The following SUMF1 variants were observed in gnomAD, a reference collection of about 807,000 sequenced individuals.
SUMF1 encodes the protein formylglycine-generating enzyme.
SUMF1 carries 48 observed loss-of-function variants against 47.6 expected under a neutral mutation model. That is an observed-to-expected ratio of 1.01 (90% confidence interval 0.80 to 1.28). The LOEUF (loss-of-function observed/expected upper bound fraction) is 1.28, where lower values mean the gene tolerates loss of function less well. SUMF1 is among the 50% of genes most tolerant of loss of function. The pLI, the probability that SUMF1 is intolerant of heterozygous loss-of-function variation, is 0.00. For synonymous variants in SUMF1, 230 were observed against 192.1 expected (o/e 1.20, Z -1.63); for missense variants, 571 against 485.4 (o/e 1.18, Z -1.66).
chr3:4,048,549 T>C (rs1188144868), intron 9 of SUMF1, among the ~76,000 whole-genome samples: 1 of 152,042 alleles, frequency 6.6e-6, no homozygotes, highest in African/African-American at 2.4e-5. Context: ...CCCCCTGTTA[T>C]AAGTCCTCAT....
intron 3 of SUMF1, among the ~76,000 whole-genome samples, chr3:4,423,178 A>G (rs1575204676): frequency 6.6e-6 from 1 of 152,212 alleles, no homozygotes; most frequent in East Asian, 1.9e-4. Flanking sequence ...CATGAAAAAG[A>G]TACTTGCACA....
chr3:4,403,360 T>A (rs890687457), intron 7 of SUMF1, among the ~76,000 whole-genome samples: 3 of 152,082 alleles, frequency 2.0e-5, no homozygotes, highest in African/African-American at 7.2e-5. Flanking sequence ...AGCTCCACTA[T>A]TATTTGCATC....
intron 8 of SUMF1, among the ~76,000 whole-genome samples, chr3:4,227,878 T>G (rs1286623625): frequency 6.6e-6 from 1 of 152,154 alleles, no homozygotes; most frequent in Non-Finnish European, 1.5e-5. Flanking sequence ...ATTACTTTAT[T>G]GCAAATAATC....
chr3:4,249,121 G>C (rs781552043), intron 8 of SUMF1, among the ~76,000 whole-genome samples: 2 of 152,178 alleles, frequency 1.3e-5, no homozygotes, highest in African/African-American at 4.8e-5. Context: ...TAATGCATTG[G>C]CTTCAAAATC....
rs1491317152 is a variant in SUMF1, at chr3:4,151,510, T to TATATAC, written c.1015-82766_1015-82765insGTATAT. 4.2e-3 allele frequency among the ~76,000 whole-genome samples: 579 copies of TATATAC among 136,968 alleles called. 13 individuals carry two copies. Among genetic ancestry groups the TATATAC allele is most frequent in the East Asian group, 0.033 (159 of 4,768 alleles). The allele number at this position is 136,968 out of a possible 152,430, so 89.9% of individuals were successfully genotyped here. On this transcript the variant is annotated intron_variant and NMD_transcript_variant, in intron 8 of 12. Coordinates refer to the SUMF1 transcript ENST00000448413. Reference sequence around the variant, plus strand: ...GTATATATACGTATATATGTGTATATGTATACGTATATATGTATATATGTG... The same window carrying TATATAC: ...GTATATATACGTATATATGTGTATATATATACGTATACGTATATATGTATATATGTG...
At chr3:4,289,640 G>T (rs1697702097) in intron 8 of SUMF1, among the ~76,000 whole-genome samples, 1 of 152,056 alleles carries the variant, frequency 6.6e-6, no homozygotes, top group Non-Finnish European at 1.5e-5. Context: ...ACCCATTACA[G>T]TACTCTTTTC....
intron 8 of SUMF1, among the ~76,000 whole-genome samples, chr3:4,146,071 G>C (rs17040058): frequency 0.038 from 5,755 of 152,184 alleles, 381 homozygotes; most frequent in African/African-American, 0.13. Context: ...GACCTTCACA[G>C]ATCTTTAGCA....
chr3:4,077,593 G>A (rs200515007), intron 8 of SUMF1, among the ~76,000 whole-genome samples: 3 of 152,078 alleles, frequency 2.0e-5, no homozygotes, highest in Admixed American at 6.5e-5. Context: ...ACTCATAAGT[G>A]GGAGTTCAAC....
intron 8 of SUMF1, among the ~76,000 whole-genome samples, chr3:4,212,757 G>A (rs1416808602): frequency 6.6e-6 from 1 of 151,994 alleles, no homozygotes; most frequent in Non-Finnish European, 1.5e-5. Flanking sequence ...AAGAACTTTG[G>A]GAAGCATACA....
chr3:4,384,974 C>A (rs1488187778), intron 7 of SUMF1, among the ~76,000 whole-genome samples: 1 of 151,450 alleles, frequency 6.6e-6, no homozygotes, highest in Non-Finnish European at 1.5e-5. Flanking sequence ...CAACCTCCAC[C>A]TCCCAGGTTC....
rs191299151 is a variant in SUMF1 at position 4,250,444 on chromosome 3, G to T, written c.1014+125886C>A. Reference sequence around the variant, plus strand: ...AAGTGCAAGGTGAAGAAGCAAGAGCGGATGGAGAAGCTGCAGCAAGCTATC... The same window carrying T: ...AAGTGCAAGGTGAAGAAGCAAGAGCTGATGGAGAAGCTGCAGCAAGCTATC... On this transcript the variant is annotated intron_variant and NMD_transcript_variant, in intron 8 of 12. Coordinates refer to the SUMF1 transcript ENST00000448413. 8.1e-4 allele frequency among the ~76,000 whole-genome samples: 124 copies of T among 152,196 alleles called. 1 individual carries two copies. The highest frequency in any genetic ancestry group is 2.9e-3 in the African/African-American group (121 of 41,514).
intron 8 of SUMF1, among the ~76,000 whole-genome samples, chr3:4,143,153 G>GA (rs1475394046): frequency 6.6e-6 from 1 of 152,094 alleles, no homozygotes; most frequent in Admixed American, 6.6e-5. Flanking sequence ...ATTATCCCTG[G>GA]AAAATACTGC....
intron 8 of SUMF1, among the ~76,000 whole-genome samples, chr3:4,362,587 C>A (rs1197881067): frequency 1.3e-5 from 2 of 152,200 alleles, no homozygotes; most frequent in Non-Finnish European, 2.9e-5. Flanking sequence ...AAAGTCATGT[C>A]TTTACATAGT....
intron 8 of SUMF1, chr3:4,313,039 T>C: frequency 1.2e-6 from 2 of 1,613,976 alleles, no homozygotes; most frequent in African/African-American, 1.3e-5. Flanking sequence ...TGATGATAAC[T>C]CATGCCTTAG....
intron 8 of SUMF1, among the ~76,000 whole-genome samples, chr3:4,108,268 T>G (rs763739753): frequency 1.3e-5 from 2 of 152,174 alleles, no homozygotes; most frequent in Non-Finnish European, 2.9e-5. Flanking sequence ...AGTTCTAGTT[T>G]GACTGAGCTG....
chr3:4,392,392 A>G (rs377633463), intron 7 of SUMF1, among the ~76,000 whole-genome samples: 5 of 152,028 alleles, frequency 3.3e-5, no homozygotes, highest in East Asian at 3.9e-4. Context: ...TCTTTGTTAA[A>G]TCTAGCATCT....
Position 4,453,206 on chromosome 3 carries a change from A to C in SUMF1, c.271-157T>G, listed in dbSNP as rs144719673. Reference sequence around the variant, plus strand: ...GAAAAATCTCTCTATACCCCAAAGAAGGTGAATCACGAGTCTCAAAAAGAA... The same window carrying C: ...GAAAAATCTCTCTATACCCCAAAGACGGTGAATCACGAGTCTCAAAAAGAA... On this transcript the variant is annotated intron_variant, in intron 1 of 8. Coordinates refer to ENST00000272902, the MANE Select transcript of SUMF1 (RefSeq NM_182760.4). Among the ~76,000 whole-genome samples the C allele has an allele frequency of 2.0e-4, 30 of 152,338 alleles. No homozygotes were observed. The East Asian group carries it at 5.8e-3, about 29-fold the overall frequency.
intron 8 of SUMF1, among the ~76,000 whole-genome samples, chr3:4,173,166 T>C (rs761608813): frequency 3.3e-5 from 5 of 152,206 alleles, no homozygotes; most frequent in South Asian, 2.1e-4. Context: ...TGGTTGTATA[T>C]GTGTGGTGTT....
intron 8 of SUMF1, among the ~76,000 whole-genome samples, chr3:4,273,801 T>TGGGAGGGGAGGATAC (rs1559640472): frequency 4.8e-3 from 34 of 7,140 alleles, no homozygotes; most frequent in Non-Finnish European, 7.0e-3. Context: ...GGGGAGGGCA[T>TGGGAGGGGAGGATAC]GGGAGGGGAG....
Sources: allele counts gnomAD v4.1 joint callset (sites outside exome capture counted in the v4.1 genomes callset), GRCh38; gene constraint gnomAD v4.1.1; transcripts MANE v1.5; gene names NCBI Gene and HGNC (gene_info 2026-07-23, HGNC 2026-07-21).